The following TGM6 variants were observed in gnomAD, a reference collection of about 807,000 sequenced individuals.
TGM6 encodes protein-glutamine gamma-glutamyltransferase 6.
Under a neutral mutation model 77.5 loss-of-function variants are expected in TGM6, and 74 were observed. That is an observed-to-expected ratio of 0.96 (90% CI 0.79 to 1.16). The LOEUF (loss-of-function observed/expected upper bound fraction) is 1.16, where lower values mean the gene tolerates loss of function less well. Ranked by LOEUF, TGM6 falls within the 50% of genes most tolerant of loss-of-function variation. The pLI is 0.00. For synonymous variants in TGM6, 383 were observed against 378.9 expected (o/e 1.01, Z -0.12); for missense variants, 968 against 940.2 (o/e 1.03, Z -0.39).
chr20:2,411,743 A>T (rs2084785488), intron 9 of TGM6, among the ~76,000 whole-genome samples: 1 of 152,258 alleles, frequency 6.6e-6, no homozygotes, highest in African/African-American at 2.4e-5. Context: ...AGACTCTTAC[A>T]TTATATAGAA....
intron 4 of TGM6, among the ~76,000 whole-genome samples, chr20:2,397,016 A>C (rs972381595): frequency 3.9e-5 from 6 of 152,154 alleles, no homozygotes; most frequent in African/African-American, 1.4e-4. Flanking sequence ...TTCCCAGGTG[A>C]TGCTGATGCT....
intron 9 of TGM6, among the ~76,000 whole-genome samples, chr20:2,408,529 G>A (rs6137911): frequency 0.055 from 8,400 of 152,180 alleles, 433 homozygotes; most frequent in East Asian, 0.23. Flanking sequence ...GTTCATTGCC[G>A]TATCCCCAAC....
chr20:2,383,921 C>G lies in TGM6; in HGVS notation c.7+2946C>G, dbSNP rs2084574208. Among the ~76,000 whole-genome samples, 2 of 151,996 alleles carry G rather than the reference C, an allele frequency of 1.3e-5. 1 individual carries two copies. The highest frequency in any genetic ancestry group is 1.3e-4 in the Admixed American group (2 of 15,272). On this transcript the variant is annotated intron_variant, in intron 1 of 12. Coordinates refer to ENST00000202625, the MANE Select transcript of TGM6 (RefSeq NM_198994.3). ...AGGAGATCGAGACCATCCTGGCTAA[C>G]ACGGTGAAACCCCATCTCTACTAAA...
rs1483270345 is a variant in TGM6 at position 2,396,530 on chromosome 20, A to G, written c.449A>G (p.Glu150Gly). 1 of 1,614,154 alleles carries G rather than the reference A, an allele frequency of 6.2e-7. No homozygotes were observed. The highest frequency in any genetic ancestry group is 8.5e-7 in the Non-Finnish European group (1 of 1,180,016). The part of the protein sequence containing the change: ...CAEDDVFLAS[E>G]EERQEYVLSD... ...GAGGACGATGTGTTTCTGGCCTCAG[A>G]GGAGGAGAGACAGGAGTACGTGCTC... Residue 150 changes from glutamate (E) to glycine (G), a missense_variant, in exon 4 of 13, where the codon GAG becomes GGG. Coordinates refer to ENST00000202625, the MANE Select transcript of TGM6 (RefSeq NM_198994.3).
At chr20:2,413,938 G>A (rs571352815) in intron 9 of TGM6, among the ~76,000 whole-genome samples, 1 of 152,224 alleles carries the variant, frequency 6.6e-6, no homozygotes, top group South Asian at 2.1e-4. Flanking sequence ...GCACCATCAG[G>A]AAAGTGGAAA....
At chr20:2,400,621 T>C (rs1475395174) in intron 7 of TGM6, among the ~76,000 whole-genome samples, 177 bp downstream of exon 7, 2 of 151,498 alleles carry the variant, frequency 1.3e-5, no homozygotes, top group East Asian at 3.9e-4. Flanking sequence ...TCTTCCAAGA[T>C]GTAAGGTCTG....
In TGM6 at chr20:2,432,574, G is replaced by A. The variant is rs149369357; in HGVS notation, c.2052G>A (p.Val684=). 2.9e-4 allele frequency: 463 copies of A among 1,614,088 alleles called. 3 individuals carry two copies. In the African/African-American group the frequency reaches 5.3e-3, roughly 19 times the overall value. Residue 684 remains valine, a synonymous_variant, in exon 13 of 13, where the codon GTG becomes GTA. Transcript: ENST00000202625. ...PSKSGPRQLQ[V]DLVSPHFPDI... ...AAAGTGGCCCAAGGCAGCTGCAGGT[G>A]GACCTTGTAAGCCCTCACTTCCCGG...
In TGM6 at chr20:2,417,400, T is replaced by A. The variant is rs373147686; in HGVS notation, c.1505T>A (p.Leu502Gln). The change falls in exon 10 of 13, where the codon CTA (leucine) becomes CAA (glutamine). Residue 502 changes from leucine to glutamine, a missense_variant. Coordinates refer to ENST00000202625, the MANE Select transcript of TGM6 (RefSeq NM_198994.3). ...KPSIAGKFKV[L>Q]EPPMLGHDLR... ...AGCATCGCTGGCAAGTTCAAGGTGC[T>A]AGAGCCTCCCATGCTGGGCCACGAC... 16 of 1,613,676 alleles carry A rather than the reference T, an allele frequency of 9.9e-6. No individual in the cohort carries two copies. The highest frequency in any genetic ancestry group is 1.4e-5 in the Non-Finnish European group (16 of 1,180,032).
chr20:2,401,838 A>T (rs2084711814), intron 7 of TGM6, among the ~76,000 whole-genome samples: 2 of 152,226 alleles, frequency 1.3e-5, no homozygotes, highest in Non-Finnish European at 2.9e-5. Flanking sequence ...CAGTTGCCTC[A>T]GTTAAAAACA....
At chr20:2,388,078 C>T (rs1337624239) in intron 1 of TGM6, among the ~76,000 whole-genome samples, 2 of 152,140 alleles carry the variant, frequency 1.3e-5, no homozygotes, top group Non-Finnish European at 1.5e-5. Flanking sequence ...CAATGTGTCA[C>T]TCTGTCTTAG....
Position 2,403,416 on chromosome 20 carries a change from G to T in TGM6, c.1009G>T (p.Glu337Ter). The part of the protein sequence containing the change: ...DSMWNFHVWN[E>*]SWFARQDLGP... ...TGGCAGGAATTTCCATGTCTGGAAT[G>T]AGAGCTGGTTTGCCCGGCAGGACCT... Residue 337 changes from glutamate to a stop codon, truncating the protein, a stop_gained, in exon 8 of 13, where the codon GAG becomes TAG. Coordinates refer to ENST00000202625, the MANE Select transcript of TGM6 (RefSeq NM_198994.3). LOFTEE classifies it high-confidence loss of function. The T allele has an allele frequency of 6.2e-7, 1 of 1,614,192 alleles. No individual in the cohort carries two copies. The highest frequency in any genetic ancestry group is 8.5e-7 in the Non-Finnish European group (1 of 1,180,038).
Position 2,399,585 on chromosome 20 carries a change from G to C in TGM6, c.697G>C (p.Val233Leu). 6.2e-7 allele frequency: 1 copy of C among 1,613,310 alleles called. No homozygotes were observed. Among genetic ancestry groups the C allele is most frequent in the Non-Finnish European group, 8.5e-7 (1 of 1,179,964 alleles). The stretch of plus-strand genomic sequence containing the variant: ...GGTGAACAGCAACAACGACCGAGGT[G>C]TGGTGCAAGGACAGTGGCAGGGCAA... ...AMVNSNNDRG[V>L]VQGQWQGKYG... is the part of the protein sequence containing the mutation. Residue 233 changes from valine to leucine, a missense_variant, in exon 6 of 13, where the codon GTG becomes CTG. Transcript: ENST00000202625.
At chr20:2,424,930 G>T (rs2084878037) in intron 10 of TGM6, among the ~76,000 whole-genome samples, 1 of 152,176 alleles carries the variant, frequency 6.6e-6, no homozygotes, top group African/African-American at 2.4e-5. Context: ...TAGGGAAATG[G>T]CCAGTCGGTG....
intron 3 of TGM6, 121 bp from the exon 4 acceptor site, chr20:2,396,385 A>G (rs992691458): frequency 8.4e-6 from 8 of 952,434 alleles, no homozygotes; most frequent in Middle Eastern, 2.1e-4. Context: ...CCCCCTCTTG[A>G]CCTCTCCTGC....
chr20:2,397,048 A>C (rs547116547), intron 4 of TGM6, among the ~76,000 whole-genome samples: 1 of 152,270 alleles, frequency 6.6e-6, no homozygotes, highest in Admixed American at 6.5e-5. Context: ...ACCACACTTT[A>C]ACAGCCACTG....
intron 9 of TGM6, among the ~76,000 whole-genome samples, chr20:2,413,666 C>A (rs1186941699): frequency 6.6e-6 from 1 of 152,146 alleles, no homozygotes; most frequent in Non-Finnish European, 1.5e-5. Flanking sequence ...TTATACCCCA[C>A]TGGTTACATG....
chr20:2,413,776 G>A (rs986122908), intron 9 of TGM6, among the ~76,000 whole-genome samples: 3 of 152,180 alleles, frequency 2.0e-5, no homozygotes, highest in African/African-American at 7.2e-5. Context: ...TTACATGTGA[G>A]AGCTAAAACT....
Position 2,395,257 on chromosome 20 carries a change from G to C in TGM6, c.245G>C (p.Gly82Ala), listed in dbSNP as rs144094215. Reference protein sequence around the residue: ...AVFQTSELERGEGWTAAREAQ... With the variant: ...AVFQTSELERAEGWTAAREAQ... ...TTCCAGACATCGGAGCTGGAGCGGG[G>C]TGAGGGCTGGACAGCAGCAAGGGAG... The change falls in exon 3 of 13, where the codon GGT becomes GCT. Residue 82 changes from glycine (G) to alanine (A), a missense_variant. Coordinates refer to ENST00000202625, the MANE Select transcript of TGM6 (RefSeq NM_198994.3). 1.4e-4 allele frequency: 230 copies of C among 1,614,116 alleles called. 3 individuals carry two copies. In the African/African-American group the frequency reaches 2.6e-3, roughly 18 times the overall value.
intron 10 of TGM6, among the ~76,000 whole-genome samples, chr20:2,430,122 A>G (rs2084914916): frequency 6.6e-6 from 1 of 152,212 alleles, no homozygotes. Context: ...AGAGATTTTC[A>G]TCTTGAATAA....
Sources: allele counts gnomAD v4.1 joint callset (sites outside exome capture counted in the v4.1 genomes callset), GRCh38; gene constraint gnomAD v4.1.1; transcripts MANE v1.5; gene names NCBI Gene and HGNC (gene_info 2026-07-23, HGNC 2026-07-21).